ERICH3: variants seen among roughly 807,000 people sequenced by gnomAD.
The protein encoded by ERICH3 is glutamate-rich protein 3.
In ERICH3, 126 loss-of-function variants were observed where a neutral mutation model predicts 131.1. The observed-to-expected ratio is 0.96, with a 90% CI of 0.83 to 1.11. The LOEUF is 1.11. ERICH3 is among the 50% of genes most tolerant of loss of function. The pLI is 0.00. For synonymous variants in ERICH3, 695 were observed against 644.6 expected (o/e 1.08, Z -1.18); for missense variants, 2,050 against 1,810.7 (o/e 1.13, Z -2.40).
At chr1:74,627,814 A>C (rs1298649346) in intron 7 of ERICH3, among the ~76,000 whole-genome samples, 1 of 152,140 alleles carries the variant, frequency 6.6e-6, no homozygotes, top group Non-Finnish European at 1.5e-5. Flanking sequence ...AATATTTTGA[A>C]AAATAAGAAA....
intron 12 of ERICH3, among the ~76,000 whole-genome samples, chr1:74,587,455 C>T (rs1230116302): frequency 6.6e-6 from 1 of 151,474 alleles, no homozygotes; most frequent in African/African-American, 2.4e-5. Flanking sequence ...CAAGTCAAGA[C>T]CATAGGTTTC....
At chr1:74,589,473 A>C in intron 12 of ERICH3, 158 bp downstream of exon 12, 2 of 713,026 alleles carry the variant, frequency 2.8e-6, no homozygotes, top group Non-Finnish European at 4.8e-6. Flanking sequence ...AACTGAAAAT[A>C]CATGTATGAT....
At position 74,579,779 on chromosome 1, in the gene ERICH3, C is replaced by G. The variant is rs145084469; in HGVS notation, c.2177-2843G>C. On this transcript the variant is annotated intron_variant, in intron 12 of 14. Coordinates refer to ENST00000326665, the MANE Select transcript of ERICH3 (RefSeq NM_001002912.5). ...CACTTTGTTGCCTCTCTGTATTTAG[C>G]CCTTCATCCCCTAAGGCTCCTGTCT... 1.0e-5 allele frequency: 10 copies of G among 985,202 alleles called. 1 individual carries two copies. Among genetic ancestry groups the G allele is most frequent in the African/African-American group, 1.7e-5 (1 of 57,202 alleles). 61.0% of individuals were successfully genotyped at this position (985,202 alleles called of 1,614,324 possible).
chr1:74,638,908 A>C (rs1456889509), intron 5 of ERICH3, among the ~76,000 whole-genome samples: 1 of 152,194 alleles, frequency 6.6e-6, no homozygotes, highest in Non-Finnish European at 1.5e-5. Context: ...CAGAGTTAAG[A>C]TAGCATGCCA....
At chr1:74,643,382 C>A (rs960884595) in intron 3 of ERICH3, among the ~76,000 whole-genome samples, 1 of 151,908 alleles carries the variant, frequency 6.6e-6, no homozygotes, top group African/African-American at 2.4e-5. Context: ...TAAAAAATGT[C>A]TTATGCACAA....
intron 9 of ERICH3, among the ~76,000 whole-genome samples, chr1:74,610,858 A>T (rs1436963868): frequency 6.6e-6 from 1 of 151,990 alleles, no homozygotes; most frequent in Non-Finnish European, 1.5e-5. Flanking sequence ...TCTTCATTTT[A>T]CTTCACATAT....
chr1:74,665,623 G>A (rs371605947), intron 1 of ERICH3, among the ~76,000 whole-genome samples: 2 of 152,244 alleles, frequency 1.3e-5, no homozygotes, highest in East Asian at 1.9e-4. Flanking sequence ...TTTCTTCTGA[G>A]GGCCATGAGA....
intron 3 of ERICH3, among the ~76,000 whole-genome samples, chr1:74,645,736 A>G (rs1051283470): frequency 1.3e-5 from 2 of 152,148 alleles, no homozygotes; most frequent in African/African-American, 4.8e-5. Flanking sequence ...TATGTAATTC[A>G]TGGACATGAT....
chr1:74,650,793 T>G (rs1179210351), intron 1 of ERICH3, among the ~76,000 whole-genome samples: 2 of 151,764 alleles, frequency 1.3e-5, no homozygotes, highest in African/African-American at 4.8e-5. Context: ...CCACAGGTAA[T>G]TGAAACCACC....
chr1:74,600,898 T>G (rs1341774408), intron 10 of ERICH3, among the ~76,000 whole-genome samples: 3 of 151,582 alleles, frequency 2.0e-5, no homozygotes, highest in African/African-American at 7.3e-5. Flanking sequence ...TATTCTGGCT[T>G]CTCTGTGGGG....
rs1010960077 is a variant in ERICH3 at position 74,572,113 on chromosome 1, CCTGCTGGACAG to C, written c.3586_3596del (p.Leu1196GlyfsTer3). ...GCCCTTCCTTCAGGGCCCTATTCTC[CCTGCTGGACAG>C]CTCTTCTCTGTCTTTGTGCTCTGTG... On this transcript the variant is annotated frameshift_variant, in exon 14 of 15. Coordinates refer to ENST00000326665, the MANE Select transcript of ERICH3 (RefSeq NM_001002912.5). LOFTEE classifies it high-confidence loss of function. The C allele has an allele frequency of 2.5e-6, 4 of 1,614,090 alleles. No individual in the cohort carries two copies. Among genetic ancestry groups the C allele is most frequent in the African/African-American group, 1.3e-5 (1 of 74,928 alleles).
intron 8 of ERICH3, among the ~76,000 whole-genome samples, chr1:74,617,174 C>CAAAA (rs5775248): frequency 1.0e-4 from 14 of 138,274 alleles, no homozygotes; most frequent in Middle Eastern, 3.9e-3. Context: ...AAAAAACAAA[C>CAAAA]AAAAAAAAAA....
At chr1:74,586,177 C>A (rs959677175) in intron 12 of ERICH3, among the ~76,000 whole-genome samples, 1 of 151,622 alleles carries the variant, frequency 6.6e-6, no homozygotes, top group Non-Finnish European at 1.5e-5. Flanking sequence ...AATACTGTGG[C>A]AATATAAGAA....
intron 12 of ERICH3, among the ~76,000 whole-genome samples, chr1:74,588,993 A>T (rs913635058): frequency 2.0e-5 from 3 of 152,220 alleles, no homozygotes; most frequent in Admixed American, 1.3e-4. Context: ...CACAGACGCA[A>T]TAGGCAATAT....
intron 8 of ERICH3, among the ~76,000 whole-genome samples, chr1:74,613,698 C>T (rs1648812187): frequency 6.6e-6 from 1 of 152,122 alleles, no homozygotes; most frequent in Non-Finnish European, 1.5e-5. Flanking sequence ...CCACTGCTTA[C>T]AATTAATAGT....
At chr1:74,578,940 A>G (rs978865560) in intron 12 of ERICH3, among the ~76,000 whole-genome samples, 1 of 152,206 alleles carries the variant, frequency 6.6e-6, no homozygotes, top group Admixed American at 6.6e-5. Flanking sequence ...GAAATGAAAA[A>G]GGGGAATAAT....
intron 13 of ERICH3, among the ~76,000 whole-genome samples, chr1:74,576,670 A>G (rs1366380178): frequency 1.3e-5 from 2 of 152,198 alleles, no homozygotes; most frequent in Non-Finnish European, 2.9e-5. Context: ...CTTGATGACA[A>G]TTACTAAAAT....
chr1:74,633,249 G>T (rs1646358262), intron 6 of ERICH3, among the ~76,000 whole-genome samples: 2 of 151,826 alleles, frequency 1.3e-5, no homozygotes, highest in South Asian at 4.1e-4. Context: ...ATTTAAAAAG[G>T]CATATGAACC....
intron 7 of ERICH3, among the ~76,000 whole-genome samples, chr1:74,627,309 G>A (rs1230101194): frequency 6.6e-6 from 1 of 152,060 alleles, no homozygotes; most frequent in Non-Finnish European, 1.5e-5. Flanking sequence ...AATCACAAAG[G>A]AGTAGGACAA....
Sources: gnomAD v4.1 joint callset for allele counts (sites outside exome capture counted in the v4.1 genomes callset) on GRCh38, gnomAD v4.1.1 for gene constraint, MANE v1.5 for transcripts, NCBI Gene and HGNC (gene_info 2026-07-23, HGNC 2026-07-21) for gene names.